FCHO1: variants seen among roughly 807,000 people sequenced by gnomAD.
The protein encoded by FCHO1 is FCH and mu domain containing endocytic adaptor 1.
FCHO1 carries 45 observed loss-of-function variants against 114.4 expected under a neutral mutation model. The ratio of observed to expected loss-of-function variants is 0.39; its 90% CI spans 0.31 to 0.50. The LOEUF (loss-of-function observed/expected upper bound fraction) is 0.50, where lower values mean the gene tolerates loss of function less well. Among genes scored for constraint, FCHO1 ranks in the 20% least tolerant of loss-of-function variants. The probability of loss-of-function intolerance (pLI) is 0.77; values close to 1 mark genes in which losing one functional copy is unlikely to be tolerated. For synonymous variants in FCHO1, 480 were observed against 488.9 expected (o/e 0.98, Z 0.24); for missense variants, 1,042 against 1,209.6 (o/e 0.86, Z 2.06).
At chr19:17,786,413 G>A (rs1054684586) in intron 26 of FCHO1, among the ~76,000 whole-genome samples, 161 bp from the exon 27 acceptor site, 7 of 152,022 alleles carry the variant, frequency 4.6e-5, no homozygotes, top group African/African-American at 1.2e-4. Flanking sequence ...GTGGCTCCAC[G>A]GCTGTTCCAT....
rs544128315 is a variant in FCHO1, at chr19:17,781,641, G to A, written c.1829-71G>A. 1.7e-4 allele frequency: 265 copies of A among 1,544,106 alleles called. 4 individuals are homozygous for A. The South Asian group carries it at 2.4e-3, about 14-fold the overall frequency. On this transcript the variant is annotated intron_variant, in intron 22 of 28. Coordinates refer to ENST00000596536, the MANE Select transcript of FCHO1 (RefSeq NM_015122.3). Reference sequence around the variant, plus strand: ...TGGCAGAGGTGTGGTTGGGCGGAGGGAGTCTCGAGCCTGGAGCCTATATTC... The same window carrying A: ...TGGCAGAGGTGTGGTTGGGCGGAGGAAGTCTCGAGCCTGGAGCCTATATTC...
In FCHO1 at chr19:17,775,062, C is replaced by G; in HGVS notation, c.927C>G (p.Phe309Leu). 1 of 1,613,362 alleles carries G rather than the reference C, an allele frequency of 6.2e-7. No homozygotes were observed. The highest frequency in any genetic ancestry group is 1.3e-5 in the African/African-American group (1 of 74,974). Residue 309 changes from phenylalanine to leucine, a missense_variant, in exon 14 of 29, where the codon TTC becomes TTG. Around this residue, in one of 3 missense-constraint regions of FCHO1, gnomAD observed 450 missense variants for 564.1 expected, o/e 0.80. Transcript: ENST00000596536. The surrounding 1 kb of genome is among the most constrained non-coding windows in gnomAD (Gnocchi z 5.1). ...REPEPPAAVD[F>L]LEPDSGTCPE... ...TCTCTTCCTCCATCCCCAGAGATTT[C>G]CTGGAGCCCGATTCAGGGGTGAGTG... is the stretch of plus-strand genomic sequence containing the variant.
At position 17,766,822 on chromosome 19, in the gene FCHO1, G is replaced by A. The variant is rs368695542; in HGVS notation, c.336+12G>A. On this transcript the variant is annotated intron_variant, in intron 7 of 28. Coordinates refer to ENST00000596536, the MANE Select transcript of FCHO1 (RefSeq NM_015122.3). ...AGACCCACAAGAAGGTGTGTGTCGT[G>A]GGCGCCGCCCAGCGGCTGGGTGGGT... 1.6e-4 allele frequency: 252 copies of A among 1,607,764 alleles called. No homozygotes were observed. The highest frequency in any genetic ancestry group is 2.1e-4 in the Non-Finnish European group (241 of 1,174,890).
In FCHO1 at chr19:17,783,105, C is replaced by A; in HGVS notation, c.2026C>A (p.Leu676Ile). The A allele has an allele frequency of 3.1e-6, 5 of 1,614,154 alleles. No individual in the cohort carries two copies. The highest frequency in any genetic ancestry group is 4.2e-6 in the Non-Finnish European group (5 of 1,180,038). The change falls in exon 24 of 29, where the codon CTC becomes ATC. Residue 676 changes from leucine (L) to isoleucine (I), a missense_variant. This residue lies in a region of FCHO1 where 455 missense variants were observed against 455.4 expected (regional missense o/e 1.00). Coordinates refer to ENST00000596536, the MANE Select transcript of FCHO1 (RefSeq NM_015122.3). ...VFSGTPPPPV[L>I]SFRLVHTTAI... ...CAGCGGGACCCCACCACCACCTGTC[C>A]TCAGCTTCCGGCTTGTACACACAAC...
At chr19:17,780,755 A>G (rs543795630) in intron 20 of FCHO1, among the ~76,000 whole-genome samples, 1 of 152,096 alleles carries the variant, frequency 6.6e-6, no homozygotes, top group Non-Finnish European at 1.5e-5. Flanking sequence ...GAGGTTGGCA[A>G]GCAAGGGAGC....
chr19:17,752,033 A>G (rs748141293), intron 1 of FCHO1, among the ~76,000 whole-genome samples: 13 of 152,318 alleles, frequency 8.5e-5, no homozygotes, highest in East Asian at 3.9e-4. Context: ...TCTGTCTGCC[A>G]GAGGTGGGGT....
intron 5 of FCHO1, among the ~76,000 whole-genome samples, 161 bp from the exon 6 acceptor site, chr19:17,764,214 T>C (rs7256565): frequency 0.48 from 73,002 of 151,936 alleles, 17,892 homozygotes; most frequent in East Asian, 0.71. Flanking sequence ...CTAATTTTTG[T>C]ATTTTTAGTA....
At chr19:17,762,739 ATC>A in intron 4 of FCHO1, 21 bp from the exon 5 acceptor site, 8 of 1,565,106 alleles carry the variant, frequency 5.1e-6, no homozygotes, top group South Asian at 1.1e-5. Flanking sequence ...TCCTTTCTCA[ATC>A]TCTATTCCCA....
chr19:17,751,286 A>G (rs1190364333), upstream of FCHO1, among the ~76,000 whole-genome samples: 5 of 152,166 alleles, frequency 3.3e-5, no homozygotes, highest in African/African-American at 1.2e-4. This position sits in a 1 kb window ranked among gnomAD's most constrained non-coding sequence, Gnocchi z 4.4. Flanking sequence ...GCCATGATTA[A>G]TATTTGTTCG....
intron 7 of FCHO1, among the ~76,000 whole-genome samples, chr19:17,769,847 T>A (rs2090943589): frequency 6.6e-6 from 1 of 151,686 alleles, no homozygotes; most frequent in Non-Finnish European, 1.5e-5. Context: ...TACTTTTTTT[T>A]AAAGTTAAAA....
intron 23 of FCHO1, 83 bp from the exon 24 acceptor site, chr19:17,782,934 G>T (rs2093559629): frequency 6.6e-7 from 1 of 1,512,018 alleles, no homozygotes; most frequent in Non-Finnish European, 9.0e-7. Flanking sequence ...GGAGCCACAG[G>T]CACCAGTGAA....
At chr19:17,761,491 AT>A (rs1386883157) in intron 4 of FCHO1, among the ~76,000 whole-genome samples, 1 of 150,728 alleles carries the variant, frequency 6.6e-6, no homozygotes, top group African/African-American at 2.4e-5. Flanking sequence ...AACGCTACTG[AT>A]TTTCATGTTG....
chr19:17,765,269 G>T (rs891588538), intron 6 of FCHO1, among the ~76,000 whole-genome samples: 20 of 152,126 alleles, frequency 1.3e-4, no homozygotes, highest in Non-Finnish European at 1.5e-5. Context: ...GCATGTTTAC[G>T]GAAGAGTGAG....
intron 4 of FCHO1, among the ~76,000 whole-genome samples, chr19:17,758,315 G>A (rs2084617426): frequency 6.6e-6 from 1 of 152,170 alleles, no homozygotes; most frequent in African/African-American, 2.4e-5. Context: ...TAGAGCAGGT[G>A]GCAATGATCC....
At chr19:17,787,223 C>CAAAAA (rs61302593) in intron 27 of FCHO1, among the ~76,000 whole-genome samples, 4 of 39,836 alleles carry the variant, frequency 1.0e-4, no homozygotes, top group South Asian at 2.1e-3. Context: ...GACTCTGTCT[C>CAAAAA]AAAAAAAAAA....
chr19:17,767,597 T>G (rs1387363305), intron 7 of FCHO1, among the ~76,000 whole-genome samples: 4 of 142,800 alleles, frequency 2.8e-5, no homozygotes, highest in Non-Finnish European at 4.5e-5. Flanking sequence ...GAGAGAGAGA[T>G]GGGTTATCAC....
chr19:17,785,944 C>G (rs2093845001), intron 26 of FCHO1, among the ~76,000 whole-genome samples: 1 of 151,470 alleles, frequency 6.6e-6, no homozygotes, highest in Non-Finnish European at 1.5e-5. Context: ...AGGAGTTACC[C>G]TGGGTGACAA....
At chr19:17,777,909 G>A (rs2092844850) in intron 18 of FCHO1, among the ~76,000 whole-genome samples, 1 of 151,984 alleles carries the variant, frequency 6.6e-6, no homozygotes. Flanking sequence ...CATGGTGGCA[G>A]GTGCCTGTAA....
At chr19:17,748,255 G>A (rs2081046342), upstream of FCHO1, among the ~76,000 whole-genome samples, 1 of 152,164 alleles carries the variant, frequency 6.6e-6, no homozygotes. Flanking sequence ...ACCGAGACGA[G>A]GGACCCCTTC....
Sources: gnomAD v4.1 joint callset for allele counts (sites outside exome capture counted in the v4.1 genomes callset) on GRCh38, gnomAD v4.1.1 for gene constraint, gnomAD v4.1.1 regional missense constraint, Gnocchi (gnomAD v3.1) non-coding constraint, MANE v1.5 for transcripts, NCBI Gene and HGNC (gene_info 2026-07-23, HGNC 2026-07-21) for gene names.